HSPA12A: variants seen among roughly 807,000 people sequenced by gnomAD.
HSPA12A encodes the protein heat shock 70 kDa protein 12A.
In HSPA12A, 28 loss-of-function variants were observed where a neutral mutation model predicts 69.2. The observed-to-expected ratio is 0.40, with a 90% confidence interval of 0.30 to 0.55. HSPA12A has a LOEUF of 0.55. HSPA12A is among the 20% of genes least tolerant of loss of function. HSPA12A has a pLI of 0.38. For missense variants in HSPA12A, 686 were observed against 900.7 expected (o/e 0.76, Z 3.05); for synonymous variants, 345 against 370.5 (o/e 0.93, Z 0.79).
intron 2 of HSPA12A, among the ~76,000 whole-genome samples, chr10:116,757,802 A>G (rs1383337696): frequency 2.6e-5 from 4 of 152,252 alleles, no homozygotes; most frequent in African/African-American, 9.6e-5. Flanking sequence ...CAAAGAGCCA[A>G]GGATTGTCAG....
At chr10:116,795,307 A>C (rs1844794137) in intron 2 of HSPA12A, among the ~76,000 whole-genome samples, 1 of 152,222 alleles carries the variant, frequency 6.6e-6, no homozygotes, top group African/African-American at 2.4e-5. Context: ...CTAGATTTTA[A>C]ATAATAGCTT....
chr10:116,779,350 G>A (rs1554891526), intron 2 of HSPA12A, among the ~76,000 whole-genome samples: 2 of 152,156 alleles, frequency 1.3e-5, no homozygotes, highest in Non-Finnish European at 2.9e-5. Context: ...AGTGGGGCCT[G>A]GGTGAATCTT....
At chr10:116,791,280 T>G (rs1039125741) in intron 2 of HSPA12A, among the ~76,000 whole-genome samples, 3 of 152,240 alleles carry the variant, frequency 2.0e-5, no homozygotes, top group African/African-American at 7.2e-5. Context: ...CAGATGTGTT[T>G]AAAGCATCTT....
At chr10:116,842,223 A>G (rs1589736499) in intron 1 of HSPA12A, among the ~76,000 whole-genome samples, 1 of 152,222 alleles carries the variant, frequency 6.6e-6, no homozygotes, top group Non-Finnish European at 1.5e-5. Flanking sequence ...AAACAGGCAC[A>G]AAAGTCTCAG....
chr10:116,750,494 A>T lies in HSPA12A; in HGVS notation c.92-43209T>A, dbSNP rs139136258. ...TAATGCAGAAGTGCATCGAAAGCAC[A>T]TCATCAGTCAGAATGTCGTGGATTA... On this transcript the variant is annotated intron_variant, in intron 2 of 12. Transcript: ENST00000635765. The T allele has an allele frequency of 7.8e-3, 3,861 of 497,038 alleles. 36 individuals are homozygous for T. The highest frequency in any genetic ancestry group is 0.011 in the Non-Finnish European group (2,994 of 266,886). 30.8% of individuals were successfully genotyped at this position (497,038 alleles called of 1,614,324 possible).
intron 2 of HSPA12A, among the ~76,000 whole-genome samples, chr10:116,818,116 G>C (rs1429843538): frequency 6.6e-6 from 1 of 152,204 alleles, no homozygotes; most frequent in Admixed American, 6.5e-5. Flanking sequence ...GCCAGTAGGG[G>C]CCTCTCCAAC....
intron 6 of HSPA12A, among the ~76,000 whole-genome samples, chr10:116,690,538 C>A (rs1849706533): frequency 1.3e-5 from 2 of 152,204 alleles, no homozygotes; most frequent in Non-Finnish European, 2.9e-5. Flanking sequence ...CCAAAGTTAG[C>A]CAGCATCGAG....
At chr10:116,841,206 T>C (rs911540457) in intron 1 of HSPA12A, among the ~76,000 whole-genome samples, 4 of 152,232 alleles carry the variant, frequency 2.6e-5, no homozygotes, top group Admixed American at 6.5e-5. Context: ...CGCACTTTCC[T>C]ATTCTTTCGT....
At chr10:116,833,845 T>C (rs1214468272) in intron 2 of HSPA12A, among the ~76,000 whole-genome samples, 2 of 152,240 alleles carry the variant, frequency 1.3e-5, no homozygotes, top group Non-Finnish European at 2.9e-5. Context: ...CTTCTTACTG[T>C]TGTTTTTCAC....
At position 116,753,162 on chromosome 10, in the gene HSPA12A, C is replaced by T. The variant is rs550006112; in HGVS notation, c.92-45877G>A. 4.6e-5 allele frequency among the ~76,000 whole-genome samples: 7 copies of T among 152,328 alleles called. No homozygotes were observed. The East Asian group carries it at 5.8e-4, about 13-fold the overall frequency. ...GATGCCCTGTTGTTTCACAGCCTGG[C>T]GCTGGCATGCTGGTATGCTGGCACA... On this transcript the variant is annotated intron_variant, in intron 2 of 12. Coordinates refer to the HSPA12A transcript ENST00000635765.
chr10:116,817,946 G>A lies in HSPA12A; in HGVS notation c.91+16989C>T, dbSNP rs562659981. Among the ~76,000 whole-genome samples, 137 of 152,292 alleles carry A rather than the reference G, an allele frequency of 9.0e-4. 2 individuals are homozygous for A. The South Asian group carries it at 0.027, about 29-fold the overall frequency. On this transcript the variant is annotated intron_variant, in intron 2 of 12. Transcript: ENST00000635765. ...CATTCGCCACCTCCAATTAGGCGCC[G>A]ATTCCTGTTACCTGACCTTACAATG...
At chr10:116,799,772 G>T (rs751520461) in intron 2 of HSPA12A, among the ~76,000 whole-genome samples, 4 of 152,210 alleles carry the variant, frequency 2.6e-5, no homozygotes, top group Non-Finnish European at 5.9e-5. Context: ...GTCTCCAAGT[G>T]CTTCACACCA....
At position 116,671,805 on chromosome 10, in the gene HSPA12A, G is replaced by A. The variant is rs1849088567; in HGVS notation, c.*2976C>T. On this transcript the variant is annotated 3_prime_UTR_variant, in exon 12 of 12. Coordinates refer to ENST00000369209, the MANE Select transcript of HSPA12A (RefSeq NM_025015.3). ...ATCAGATAATATGCCAGGGACAATT[G>A]AGTAATGGGTCAAGACAACAGGCCT... 1.3e-5 allele frequency: 2 copies of A among 152,768 alleles called. No individual in the cohort carries two copies. The highest frequency in any genetic ancestry group is 6.5e-5 in the Admixed American group (1 of 15,298). The allele number at this position is 152,768 out of a possible 1,614,324, so 9.5% of individuals were successfully genotyped here. A position where few individuals can be genotyped will look rare whatever the true frequency, so the allele number is the denominator to read the frequency against.
At chr10:116,792,259 C>A (rs200561722) in intron 2 of HSPA12A, among the ~76,000 whole-genome samples, 224 of 60,874 alleles carry the variant, frequency 3.7e-3, no homozygotes, top group African/African-American at 6.6e-3. Context: ...AACTCGGTCT[C>A]AAAAAAAAAA....
upstream of HSPA12A, among the ~76,000 whole-genome samples, chr10:116,850,570 G>A (rs1281157809): frequency 1.3e-5 from 2 of 152,018 alleles, no homozygotes; most frequent in African/African-American, 4.8e-5. Context: ...GGCAAAGCAA[G>A]GAGGCAATGT....
intron 1 of HSPA12A, among the ~76,000 whole-genome samples, chr10:116,736,117 T>C (rs935340657): frequency 2.6e-5 from 4 of 152,236 alleles, no homozygotes; most frequent in Admixed American, 1.3e-4. Flanking sequence ...GTTTAATGCA[T>C]TGATTGTTTT....
intron 2 of HSPA12A, among the ~76,000 whole-genome samples, chr10:116,817,594 C>G (rs1845330308): frequency 1.3e-5 from 2 of 152,080 alleles, no homozygotes. Flanking sequence ...TCTCTGTGCT[C>G]CACCACCATA....
chr10:116,788,984 G>A (rs1305958057), intron 2 of HSPA12A, among the ~76,000 whole-genome samples: 1 of 151,036 alleles, frequency 6.6e-6, no homozygotes, highest in Non-Finnish European at 1.5e-5. Context: ...TCCCTGCCTC[G>A]GCCTCCTAGT....
chr10:116,798,996 G>T (rs1844897321), intron 2 of HSPA12A, among the ~76,000 whole-genome samples: 1 of 152,060 alleles, frequency 6.6e-6, no homozygotes. Context: ...GGCCGACAGG[G>T]CCCACTGGCG....
Sources: gnomAD v4.1 joint callset for allele counts (sites outside exome capture counted in the v4.1 genomes callset) on GRCh38, gnomAD v4.1.1 for gene constraint, MANE v1.5 for transcripts, NCBI Gene and HGNC (gene_info 2026-07-23, HGNC 2026-07-21) for gene names.